Variants in TMTC1 observed in about 807,000 individuals in gnomAD.
The protein encoded by TMTC1 is protein O-mannosyl-transferase TMTC1.
Under a neutral mutation model 104.8 loss-of-function variants are expected in TMTC1, and 73 were observed. The observed-to-expected ratio is 0.70, with a 90% CI of 0.58 to 0.85. TMTC1 has a LOEUF of 0.85. Ranked by LOEUF, TMTC1 falls within the 40% of genes least tolerant of loss-of-function variation. The probability of loss-of-function intolerance (pLI) is 0.00; values close to 1 mark genes in which losing one functional copy is unlikely to be tolerated. For missense variants in TMTC1, 1,035 were observed against 1,096.1 expected (o/e 0.94, Z 0.79); for synonymous variants, 434 against 428.7 (o/e 1.01, Z -0.15).
intron 10 of TMTC1, among the ~76,000 whole-genome samples, chr12:29,550,840 G>A (rs768268427): frequency 2.0e-5 from 3 of 149,524 alleles, no homozygotes; most frequent in Non-Finnish European, 1.5e-5. Flanking sequence ...GCAGGGATGA[G>A]GATGGTGTTA....
chr12:29,773,667 G>A (rs1220750858), intron 1 of TMTC1, among the ~76,000 whole-genome samples: 1 of 152,134 alleles, frequency 6.6e-6, no homozygotes, highest in African/African-American at 2.4e-5. Context: ...ATTTTAGAGG[G>A]CTGCCCATCT....
At position 29,783,889 on chromosome 12, in the gene TMTC1, T is replaced by C. The variant is rs1213401623; in HGVS notation, c.-138A>G. 1.4e-5 allele frequency: 12 copies of C among 835,644 alleles called. No homozygotes were observed. The highest frequency in any genetic ancestry group is 1.8e-5 in the African/African-American group (1 of 54,084). 51.8% of individuals were successfully genotyped at this position (835,644 alleles called of 1,614,324 possible). ...TGCGGCAGCTGGACCCGCCGCGAGC[T>C]CCCCGCGCTCCGCCGCCGCCTGCGC... On this transcript the variant is annotated 5_prime_UTR_variant, in exon 1 of 18. Coordinates refer to ENST00000539277, the MANE Select transcript of TMTC1 (RefSeq NM_001193451.2). The surrounding 1 kb of genome is among the most constrained non-coding windows in gnomAD (Gnocchi z 4.7).
chr12:29,733,306 C>G (rs917332698), intron 5 of TMTC1, among the ~76,000 whole-genome samples: 3 of 152,140 alleles, frequency 2.0e-5, no homozygotes, highest in Non-Finnish European at 4.4e-5. Context: ...CTCCACAGAG[C>G]CTCCTTCACG....
intron 6 of TMTC1, among the ~76,000 whole-genome samples, chr12:29,616,423 G>A (rs1363261572): frequency 2.0e-5 from 3 of 152,120 alleles, no homozygotes; most frequent in Non-Finnish European, 4.4e-5. Context: ...TGTAATCCCA[G>A]CACTTTGGGA....
intron 5 of TMTC1, among the ~76,000 whole-genome samples, chr12:29,700,274 C>T (rs1367735541): frequency 4.0e-5 from 6 of 151,004 alleles, no homozygotes; most frequent in Admixed American, 3.9e-4. Context: ...ACTCTGTCAC[C>T]CAGGCTGGAG....
chr12:29,597,162 G>A (rs1289673830), intron 7 of TMTC1, among the ~76,000 whole-genome samples: 1 of 151,114 alleles, frequency 6.6e-6, no homozygotes, highest in Non-Finnish European at 1.5e-5. Flanking sequence ...ATTTCCTCCT[G>A]ACGTTCCTAG....
intron 12 of TMTC1, chr12:29,519,123 C>T (rs956456046): frequency 2.0e-5 from 3 of 152,214 alleles, no homozygotes; most frequent in Non-Finnish European, 2.9e-5. Context: ...TAAAATCATG[C>T]ACTTTCATTT....
intron 6 of TMTC1, chr12:29,613,781 A>C (rs1003729767): frequency 5.9e-6 from 1 of 170,710 alleles, no homozygotes; most frequent in African/African-American, 2.4e-5. Context: ...TCTACCTATG[A>C]CTATAGCTCA....
intron 7 of TMTC1, among the ~76,000 whole-genome samples, chr12:29,599,459 G>C (rs577518047): frequency 6.6e-6 from 1 of 152,296 alleles, no homozygotes; most frequent in African/African-American, 2.4e-5. Context: ...GCAAATGAGA[G>C]GAAGGTGATA....
At chr12:29,752,479 T>C (rs1267842359) in intron 4 of TMTC1, among the ~76,000 whole-genome samples, 3 of 152,230 alleles carry the variant, frequency 2.0e-5, no homozygotes. Context: ...AACGTGCATC[T>C]ATCCTTTGCC....
intron 11 of TMTC1, among the ~76,000 whole-genome samples, chr12:29,529,289 A>G (rs1944433305): frequency 6.6e-6 from 1 of 152,188 alleles, no homozygotes; most frequent in Non-Finnish European, 1.5e-5. Flanking sequence ...GGCCTGTAAC[A>G]ATGTGTACCT....
At chr12:29,724,762 T>C (rs771163101) in intron 5 of TMTC1, among the ~76,000 whole-genome samples, 11 of 152,028 alleles carry the variant, frequency 7.2e-5, no homozygotes, top group Non-Finnish European at 1.6e-4. Flanking sequence ...AAATTCACAA[T>C]AATGTTACCT....
intron 5 of TMTC1, among the ~76,000 whole-genome samples, chr12:29,720,358 C>G (rs1000186908): frequency 6.6e-6 from 1 of 152,166 alleles, no homozygotes. Flanking sequence ...AAATATGGTG[C>G]CAGATGGCCC....
chr12:29,755,621 A>AT, intron 4 of TMTC1, 88 bp downstream of exon 4: 2 of 1,179,442 alleles, frequency 1.7e-6, no homozygotes, highest in Non-Finnish European at 2.4e-6. Context: ...AAAGTGTTAT[A>AT]TTTTTTAAAT....
intron 5 of TMTC1, among the ~76,000 whole-genome samples, chr12:29,636,881 C>T (rs539413607): frequency 1.8e-4 from 26 of 142,842 alleles, no homozygotes; most frequent in Admixed American, 3.5e-4. Context: ...CTCATCTCTA[C>T]AAAAAATTAA....
rs188732365 is a variant in TMTC1, at chr12:29,518,317, T to A, written c.2024+155A>T. Among the ~76,000 whole-genome samples the A allele has an allele frequency of 2.0e-4, 30 of 152,334 alleles. 1 individual carries two copies. In the East Asian group the frequency reaches 3.5e-3, roughly 18 times the overall value. On this transcript the variant is annotated intron_variant, in intron 13 of 17. Transcript: ENST00000539277. Reference sequence around the variant, plus strand: ...TCATGAATTATGATCCCATTTATATTGTGGTTGCTTTCTTTGGAGATAAAA... The same window carrying A: ...TCATGAATTATGATCCCATTTATATAGTGGTTGCTTTCTTTGGAGATAAAA...
intron 5 of TMTC1, among the ~76,000 whole-genome samples, chr12:29,694,416 AC>A (rs1941354110): frequency 6.6e-6 from 1 of 152,210 alleles, no homozygotes; most frequent in Non-Finnish European, 1.5e-5. Context: ...TAATCTACAC[AC>A]ATCCTCCCAT....
In TMTC1 at chr12:29,644,078, A is replaced by AATATAAATATATAATTTAT. The variant is rs1565734924; in HGVS notation, c.939-10743_939-10742insATAAATTATATATTTATAT. Among the ~76,000 whole-genome samples, 463 of 53,626 alleles carry AATATAAATATATAATTTAT rather than the reference A, an allele frequency of 8.6e-3. 105 individuals carry two copies. The highest frequency in any genetic ancestry group is 0.012 in the Non-Finnish European group (372 of 32,092). The allele number at this position is 53,626 out of a possible 152,430, so 35.2% of individuals were successfully genotyped here. On this transcript the variant is annotated intron_variant, in intron 5 of 17. Coordinates refer to ENST00000539277, the MANE Select transcript of TMTC1 (RefSeq NM_001193451.2). ...AATATAAATATATAATTTATAGATA[A>AATATAAATATATAATTTAT]ATATAAATATAAATATAAATATATA...
At chr12:29,646,628 A>T (rs1007857623) in intron 5 of TMTC1, among the ~76,000 whole-genome samples, 1 of 152,178 alleles carries the variant, frequency 6.6e-6, no homozygotes, top group Non-Finnish European at 1.5e-5. Context: ...TTCTTGTGAC[A>T]AATTAAATAA....
Sources: gnomAD v4.1 joint callset for allele counts (sites outside exome capture counted in the v4.1 genomes callset) on GRCh38, gnomAD v4.1.1 for gene constraint, Gnocchi (gnomAD v3.1) non-coding constraint, MANE v1.5 for transcripts, NCBI Gene and HGNC (gene_info 2026-07-23, HGNC 2026-07-21) for gene names.